IL22RA1: variants seen among roughly 807,000 people sequenced by gnomAD.
IL22RA1 encodes interleukin 22 receptor subunit alpha 1.
In IL22RA1, 25 loss-of-function variants were observed where a neutral mutation model predicts 32.8. The ratio of observed to expected loss-of-function variants is 0.76; its 90% CI spans 0.55 to 1.06. IL22RA1 has a LOEUF of 1.06. Among genes scored for constraint, IL22RA1 ranks in the 50% least tolerant of loss-of-function variants. The pLI is 0.00. For synonymous variants in IL22RA1, 305 were observed against 305.0 expected (o/e 1.00, Z 0.00); for missense variants, 709 against 727.4 (o/e 0.97, Z 0.29).
chr1:24,128,140 C>T lies in IL22RA1; in HGVS notation c.670+1G>A. On this transcript the variant is annotated splice_donor_variant, in intron 5 of 6. Coordinates refer to ENST00000270800, the MANE Select transcript of IL22RA1 (RefSeq NM_021258.4). LOFTEE classifies it high-confidence loss of function. ...CTCCCTCTGGTTTCAGCCGAACTCA[C>T]CTGGCAGTGTCTTCACTCGGCACAT... The T allele has an allele frequency of 6.5e-7, 1 of 1,528,408 alleles. No individual in the cohort carries two copies. Among genetic ancestry groups the T allele is most frequent in the Admixed American group, 2.0e-5 (1 of 50,438 alleles). 94.7% of individuals were successfully genotyped at this position (1,528,408 alleles called of 1,614,324 possible). A position where few individuals can be genotyped will look rare whatever the true frequency, so the allele number is the denominator to read the frequency against.
At chr1:24,142,246 C>T (rs1216870797) in intron 1 of IL22RA1, among the ~76,000 whole-genome samples, 2 of 152,186 alleles carry the variant, frequency 1.3e-5, no homozygotes, top group Admixed American at 6.5e-5. Context: ...TCGTGGGCCT[C>T]GTCCTGCACT....
Position 24,128,686 on chromosome 1 carries a change from C to T in IL22RA1, c.532-407G>A, listed in dbSNP as rs180672014. Among the ~76,000 whole-genome samples the T allele has an allele frequency of 2.6e-5, 4 of 152,172 alleles. No homozygotes were observed. The East Asian group carries it at 7.7e-4, about 29-fold the overall frequency. On this transcript the variant is annotated intron_variant, in intron 4 of 6. Coordinates refer to ENST00000270800, the MANE Select transcript of IL22RA1 (RefSeq NM_021258.4). Reference sequence around the variant, plus strand: ...GGTTAAACATCATAAACTTTTTGAACACCCATTCCTTTCTTTCTTTCCTCA... The same window carrying T: ...GGTTAAACATCATAAACTTTTTGAATACCCATTCCTTTCTTTCTTTCCTCA...
chr1:24,121,410 A>T lies in IL22RA1; in HGVS notation c.1120T>A (p.Phe374Ile). ...YAPQVTPEAQFPFYAPQAISK... is the reference protein window; with the variant it reads ...YAPQVTPEAQIPFYAPQAISK... ...ATGGCCTGTGGGGCGTAGAATGGGA[A>T]TTGAGCTTCGGGGGTCACCTGAGGT... Residue 374 changes from phenylalanine (F) to isoleucine (I), a missense_variant, in exon 7 of 7, where the codon TTC (phenylalanine) becomes ATC (isoleucine). Transcript: ENST00000270800. The T allele has an allele frequency of 1.3e-6, 2 of 1,552,222 alleles. No individual in the cohort carries two copies. Among genetic ancestry groups the T allele is most frequent in the Non-Finnish European group, 1.7e-6 (2 of 1,147,784 alleles).
intron 4 of IL22RA1, among the ~76,000 whole-genome samples, chr1:24,128,767 C>T (rs1398293375): frequency 2.0e-5 from 3 of 152,212 alleles, no homozygotes; most frequent in Non-Finnish European, 4.4e-5. Context: ...GCAGTAGCCT[C>T]TTTCATGGTC....
chr1:24,139,576 C>A (rs752490207), intron 1 of IL22RA1, among the ~76,000 whole-genome samples: 5 of 152,174 alleles, frequency 3.3e-5, no homozygotes, highest in Non-Finnish European at 5.9e-5. Context: ...CTCTGTCCCC[C>A]AGGCTGGAGT....
At position 24,143,135 on chromosome 1, in the gene IL22RA1, A is replaced by G; in HGVS notation, c.-53T>C. The G allele has an allele frequency of 7.7e-7, 1 of 1,290,960 alleles. No individual in the cohort carries two copies. The highest frequency in any genetic ancestry group is 1.0e-6 in the Non-Finnish European group (1 of 974,102). The allele number at this position is 1,290,960 out of a possible 1,614,324, so 80.0% of individuals were successfully genotyped here. On this transcript the variant is annotated 5_prime_UTR_variant, in exon 1 of 7. Coordinates refer to ENST00000270800, the MANE Select transcript of IL22RA1 (RefSeq NM_021258.4). Reference sequence around the variant, plus strand: ...CCTCTACTCTGCCGTGCACAGAGAGAGGGCTGGGAGTCTTGGCGCCCTGGC... The same window carrying G: ...CCTCTACTCTGCCGTGCACAGAGAGGGGGCTGGGAGTCTTGGCGCCCTGGC...
chr1:24,137,041 C>A (rs1293016913), intron 3 of IL22RA1, 90 bp downstream of exon 3: 1 of 1,297,854 alleles, frequency 7.7e-7, no homozygotes, highest in African/African-American at 1.4e-5. Context: ...GGACCCTCCA[C>A]CCACTCCAGA....
In IL22RA1 at chr1:24,123,406, A is replaced by G; in HGVS notation, c.688T>C (p.Ser230Pro). 1 of 1,613,766 alleles carries G rather than the reference A, an allele frequency of 6.2e-7. No homozygotes were observed. The highest frequency in any genetic ancestry group is 8.5e-7 in the Non-Finnish European group (1 of 1,179,890). The change falls in exon 6 of 7, where the codon TCC becomes CCC. Residue 230 changes from serine (S) to proline (P), a missense_variant. Coordinates refer to ENST00000270800, the MANE Select transcript of IL22RA1 (RefSeq NM_021258.4). ...KTLPDRTWTY[S>P]FSGAFLFSMG... ...GAGAACAGGAAGGCTCCGGAGAAGGAGTAGGTCCATGTCCGGTCTGGGAAA... is the reference window on the plus strand; with the variant it reads ...GAGAACAGGAAGGCTCCGGAGAAGGGGTAGGTCCATGTCCGGTCTGGGAAA...
Position 24,134,202 on chromosome 1 carries a change from T to TA in IL22RA1, c.531+8dup. On this transcript the variant is annotated intron_variant, in intron 4 of 6. Transcript: ENST00000270800. ...GGCAGAGAAAGACCAGGGTGCAACA[T>TA]ACACTCACCATTTGGTAGGTGCGGT... is the stretch of plus-strand genomic sequence containing the variant. 1 of 1,607,166 alleles carries TA rather than the reference T, an allele frequency of 6.2e-7. No individual in the cohort carries two copies. Among genetic ancestry groups the TA allele is most frequent in the Middle Eastern group, 1.7e-4 (1 of 5,868 alleles).
Position 24,137,153 on chromosome 1 carries a change from G to A in IL22RA1, c.333C>T (p.Asp111=), listed in dbSNP as rs767118225. The A allele has an allele frequency of 1.9e-6, 3 of 1,613,790 alleles. No homozygotes were observed. In the East Asian group the frequency reaches 6.7e-5, roughly 36 times the overall value. ...AGGRSATKMT[D]RFSSLQHTTL... is the part of the protein sequence containing the mutation. ...CACTGTGCTGCAGAGAGCTGAACCT[G>A]TCAGTCATCTTGGTGGCTGACCGGC... Residue 111 remains aspartate (D), a synonymous_variant, in exon 3 of 7, where the codon GAC becomes GAT. Coordinates refer to ENST00000270800, the MANE Select transcript of IL22RA1 (RefSeq NM_021258.4).
chr1:24,142,859 T>C (rs752673650), intron 1 of IL22RA1, among the ~76,000 whole-genome samples, 181 bp downstream of exon 1: 2 of 152,180 alleles, frequency 1.3e-5, no homozygotes, highest in South Asian at 2.1e-4. Flanking sequence ...CACCCTCTCA[T>C]GCCCCCAGCA....
At chr1:24,126,380 C>A (rs1003920131) in intron 5 of IL22RA1, among the ~76,000 whole-genome samples, 5 of 152,150 alleles carry the variant, frequency 3.3e-5, no homozygotes, top group Admixed American at 1.3e-4. Flanking sequence ...ACCTGAGGAC[C>A]AGAGTGTCAT....
chr1:24,140,581 A>G (rs1288242413), intron 1 of IL22RA1, among the ~76,000 whole-genome samples: 2 of 152,128 alleles, frequency 1.3e-5, no homozygotes, highest in Admixed American at 1.3e-4. Context: ...TGCTTCTGTT[A>G]AGGGAAGGGC....
chr1:24,134,224 C>T lies in IL22RA1; in HGVS notation c.518G>A (p.Arg173His), dbSNP rs182225673. 3.2e-5 allele frequency: 51 copies of T among 1,610,982 alleles called. No homozygotes were observed. The South Asian group carries it at 3.4e-4, about 11-fold the overall frequency. ...ACATACACTCACCATTTGGTAGGTG[C>T]GGTTGACCTGGAGCTCTAAGTGGTA... ...LFYHLELQVNRTYQMHLGGKQ... is the reference protein window; with the variant it reads ...LFYHLELQVNHTYQMHLGGKQ... The change falls in exon 4 of 7, where the codon CGC (arginine) becomes CAC (histidine). Residue 173 changes from arginine to histidine, a missense_variant. Transcript: ENST00000270800.
chr1:24,131,911 C>A (rs1409521446), intron 4 of IL22RA1, among the ~76,000 whole-genome samples: 3 of 152,138 alleles, frequency 2.0e-5, no homozygotes, highest in African/African-American at 7.2e-5. Flanking sequence ...AATCATACAG[C>A]GTGTGTTCTC....
chr1:24,120,559 G>A lies in IL22RA1; in HGVS notation c.*246C>T. The A allele has an allele frequency of 2.1e-6, 1 of 472,042 alleles. No homozygotes were observed. The highest frequency in any genetic ancestry group is 4.6e-5 in the South Asian group (1 of 21,942). 29.2% of individuals were successfully genotyped at this position (472,042 alleles called of 1,614,324 possible). ...ATTTCTGCCTTGCAGGGCTCAGCGA[G>A]CACGCGCTTGTCTACACAAGCTGCT... is the stretch of plus-strand genomic sequence containing the variant. On this transcript the variant is annotated 3_prime_UTR_variant, in exon 7 of 7. Transcript: ENST00000270800.
intron 2 of IL22RA1, 124 bp from the exon 3 acceptor site, chr1:24,137,433 A>G (rs964738030): frequency 1.3e-6 from 1 of 744,778 alleles, no homozygotes; most frequent in Non-Finnish European, 2.2e-6. Flanking sequence ...CAGGCCCTTT[A>G]TGCGAATGAT....
intron 5 of IL22RA1, among the ~76,000 whole-genome samples, chr1:24,127,327 T>G (rs1020875085): frequency 6.6e-6 from 1 of 151,816 alleles, no homozygotes; most frequent in South Asian, 2.1e-4. Flanking sequence ...TTTTTTTTTT[T>G]CCGAGACAAG....
At chr1:24,134,900 T>C (rs1557630358) in intron 3 of IL22RA1, 1 of 919,428 alleles carries the variant, frequency 1.1e-6, no homozygotes. Context: ...GTTTACAGAC[T>C]CCTTTGAGAA....
Sources: gnomAD v4.1 joint callset for allele counts (sites outside exome capture counted in the v4.1 genomes callset) on GRCh38, gnomAD v4.1.1 for gene constraint, MANE v1.5 for transcripts, NCBI Gene and HGNC (gene_info 2026-07-23, HGNC 2026-07-21) for gene names.